CIITA: variants seen among roughly 807,000 people sequenced by gnomAD.
CIITA encodes class II major histocompatibility complex transactivator.
Under a neutral mutation model 115.1 loss-of-function variants are expected in CIITA, and 72 were observed. The observed-to-expected ratio is 0.63, with a 90% CI of 0.52 to 0.76. CIITA has a LOEUF of 0.76. CIITA is among the 30% of genes least tolerant of loss of function. CIITA has a pLI of 0.00. For synonymous variants in CIITA, 763 were observed against 635.6 expected (o/e 1.20, Z -3.02); for missense variants, 1,617 against 1,463.8 (o/e 1.10, Z -1.71).
rs2040912567 is a variant in CIITA, at chr16:10,934,003, C to G, written c.*10148C>G. On this transcript the variant is annotated 3_prime_UTR_variant, in exon 20 of 20. Coordinates refer to ENST00000324288, the MANE Select transcript of CIITA (RefSeq NM_000246.4). The surrounding 1 kb of genome is among the most constrained non-coding windows in gnomAD (Gnocchi z 4.2). The stretch of plus-strand genomic sequence containing the variant: ...TGCCTGTCTCTGCACAGGTCCATGT[C>G]CCTGAGGAAAGCCAACGTCACAGAG... The G allele has an allele frequency of 6.6e-6, 1 of 152,218 alleles. No individual in the cohort carries two copies. The highest frequency in any genetic ancestry group is 2.4e-5 in the African/African-American group (1 of 41,440). 9.4% of individuals were successfully genotyped at this position (152,218 alleles called of 1,614,324 possible). A position where few individuals can be genotyped will look rare whatever the true frequency, so the allele number is the denominator to read the frequency against.
At chr16:10,921,113 C>G (rs1245294985) in intron 16 of CIITA, among the ~76,000 whole-genome samples, 1 of 152,312 alleles carries the variant, frequency 6.6e-6, no homozygotes, top group South Asian at 2.1e-4. Flanking sequence ...GGTGATCCAC[C>G]CGCCTCGGCC....
chr16:10,877,381 AG>A lies in CIITA; in HGVS notation c.52+1del, dbSNP rs775790393. On this transcript the variant is annotated frameshift_variant and splice_region_variant, in exon 1 of 20. Transcript: ENST00000324288. LOFTEE classifies it high-confidence loss of function. The part of the protein sequence containing the change: ...PAGSYLSEPQ[G>X]SSQCATMELG... The stretch of plus-strand genomic sequence containing the variant: ...CTGGGTCCTACCTGTCAGAGCCCCA[AG>A]GTAAAAAGGCCGGGAAAGCATCTTA... The A allele has an allele frequency of 6.2e-7, 1 of 1,612,964 alleles. No individual in the cohort carries two copies.
rs553354677 is a variant in CIITA, at chr16:10,908,243, T to C, written c.2657+94T>C. 8.5e-6 allele frequency: 12 copies of C among 1,418,524 alleles called. No homozygotes were observed. In the African/African-American group the frequency reaches 1.6e-4, roughly 18 times the overall value. The allele number at this position is 1,418,524 out of a possible 1,614,324, so 87.9% of individuals were successfully genotyped here. ...CAGTGCTCTGTGGGGTCTCTTTTAG[T>C]ATGCAGAGCAGCCGGGTGGGGCAGA... On this transcript the variant is annotated intron_variant, in intron 11 of 19. Transcript: ENST00000324288.
downstream of CIITA, chr16:10,940,219 C>G (rs1405818518): frequency 6.6e-6 from 1 of 152,214 alleles, no homozygotes; most frequent in Non-Finnish European, 1.5e-5. The surrounding 1 kb of genome is among the most constrained non-coding windows in gnomAD (Gnocchi z 4.2). Context: ...AACTCTGATC[C>G]CAAATGATGG....
chr16:10,895,347 A>G lies in CIITA; in HGVS notation c.118A>G (p.Ser40Gly). The change falls in exon 2 of 20, where the codon AGC becomes GGC. Residue 40 changes from serine (S) to glycine (G), a missense_variant. Ser to Gly is a moderately conservative substitution (Grantham distance 56). Transcript: ENST00000324288. ...AGGTGGCTACCTGGAGCTTCTTAAC[A>G]GCGATGCTGACCCCCTGTGCCTCTA... The part of the protein sequence containing the change: ...LEGGYLELLN[S>G]DADPLCLYHF... 6.2e-7 allele frequency: 1 copy of G among 1,614,140 alleles called. No homozygotes were observed. Among genetic ancestry groups the G allele is most frequent in the Non-Finnish European group, 8.5e-7 (1 of 1,180,030 alleles).
chr16:10,915,704 A>G, intron 14 of CIITA, 54 bp downstream of exon 14: 13 of 1,469,598 alleles, frequency 8.8e-6, no homozygotes, highest in Non-Finnish European at 1.1e-5. Context: ...CAGTGCTGTG[A>G]TCATAGCTCA....
Position 10,895,156 on chromosome 16 carries a change from C to T in CIITA, c.53-126C>T, listed in dbSNP as rs1225503322. On this transcript the variant is annotated intron_variant, in intron 1 of 19. Coordinates refer to ENST00000324288, the MANE Select transcript of CIITA (RefSeq NM_000246.4). ...CACCACGCTGAGCATATAAGAGGTG[C>T]TGAATGAGCGCTTTTATTCACTCCT... 8.2e-6 allele frequency: 9 copies of T among 1,091,928 alleles called. No individual in the cohort carries two copies. In the East Asian group the frequency reaches 9.5e-5, roughly 11 times the overall value. 67.6% of individuals were successfully genotyped at this position (1,091,928 alleles called of 1,614,324 possible).
At chr16:10,888,066 C>A (rs566051424) in intron 1 of CIITA, among the ~76,000 whole-genome samples, 1 of 152,284 alleles carries the variant, frequency 6.6e-6, no homozygotes, top group African/African-American at 2.4e-5. Flanking sequence ...ACAGAGAAAT[C>A]TCCCCTGGTC....
intron 13 of CIITA, among the ~76,000 whole-genome samples, chr16:10,913,083 A>G (rs557347063): frequency 1.3e-5 from 2 of 152,266 alleles, no homozygotes; most frequent in South Asian, 4.1e-4. Context: ...TTCCAGCCAC[A>G]GGGCCTCCTT....
At chr16:10,867,192 C>T (rs1277351041) in intron 1 of CIITA, among the ~76,000 whole-genome samples, 2 of 151,630 alleles carry the variant, frequency 1.3e-5, no homozygotes, top group East Asian at 1.9e-4. Context: ...TGCAATGAGC[C>T]GAGATCACGC....
chr16:10,932,864 T>C lies in CIITA; in HGVS notation c.*9009T>C, dbSNP rs13337208. On this transcript the variant is annotated 3_prime_UTR_variant, in exon 20 of 20. Transcript: ENST00000324288. ...CACCATGCCTGGCTAATTGATGTATTTTTTAGTAGAGATGGGGTTTCACCA... is the reference window on the plus strand; with the variant it reads ...CACCATGCCTGGCTAATTGATGTATCTTTTAGTAGAGATGGGGTTTCACCA... 1.8e-4 allele frequency: 28 copies of C among 152,118 alleles called. No individual in the cohort carries two copies. The highest frequency in any genetic ancestry group is 5.8e-4 in the African/African-American group (24 of 41,484). 9.4% of individuals were successfully genotyped at this position (152,118 alleles called of 1,614,324 possible).
chr16:10,889,924 T>C (rs1171722452), intron 1 of CIITA, among the ~76,000 whole-genome samples: 2 of 152,214 alleles, frequency 1.3e-5, no homozygotes, highest in Non-Finnish European at 2.9e-5. Flanking sequence ...GACAAGCCAT[T>C]TCACTGAGGC....
At chr16:10,914,941 GAGA>G (rs2039846482) in intron 13 of CIITA, 2 of 384,446 alleles carry the variant, frequency 5.2e-6, no homozygotes, top group South Asian at 3.9e-5. Flanking sequence ...GCTGCGGCGG[GAGA>G]AGGGTATCTG....
upstream of CIITA, among the ~76,000 whole-genome samples, chr16:10,873,387 G>A (rs1054834573): frequency 6.6e-6 from 1 of 152,224 alleles, no homozygotes. Flanking sequence ...TGATGCTTAT[G>A]AACTTGAAAG....
At chr16:10,880,570 G>A (rs2036324652) in intron 1 of CIITA, among the ~76,000 whole-genome samples, 1 of 152,234 alleles carries the variant, frequency 6.6e-6, no homozygotes, top group Admixed American at 6.5e-5. Flanking sequence ...AGTGCAGCAA[G>A]CAGATGTGAA....
Position 10,902,717 on chromosome 16 carries a change from G to A in CIITA, c.688G>A (p.Val230Ile), listed in dbSNP as rs2038869872. Reference protein sequence around the residue: ...LNLPEGPIQFVPTISTLPHGL... With the variant: ...LNLPEGPIQFIPTISTLPHGL... ...TCTCCCTGAGGGACCCATCCAGTTTGTCCCCACCATCTCCACTCTGCCCCA... is the reference window on the plus strand; with the variant it reads ...TCTCCCTGAGGGACCCATCCAGTTTATCCCCACCATCTCCACTCTGCCCCA... Residue 230 changes from valine to isoleucine, a missense_variant, in exon 8 of 20, where the codon GTC (valine) becomes ATC (isoleucine). Physicochemically the swap from Val to Ile is conservative, Grantham distance 29 (BLOSUM62 3). Coordinates refer to ENST00000324288, the MANE Select transcript of CIITA (RefSeq NM_000246.4). 6.2e-7 allele frequency: 1 copy of A among 1,614,196 alleles called. No homozygotes were observed.
At chr16:10,902,896 G>T (rs962812917) in intron 8 of CIITA, 95 bp downstream of exon 8, 1 of 1,442,212 alleles carries the variant, frequency 6.9e-7, no homozygotes, top group African/African-American at 1.4e-5. Flanking sequence ...TGGCAGTGGT[G>T]CCCTAGCACC....
In CIITA at chr16:10,941,917, T is replaced by G. The variant is rs766875241; in HGVS notation, n.1043T>G. On this transcript the variant is annotated non_coding_transcript_exon_variant, in exon 2 of 2. Coordinates refer to the CIITA transcript ENST00000573379. This position sits in a 1 kb window ranked among gnomAD's most constrained non-coding sequence, Gnocchi z 6.4. ...CACATTGACGAAGAACAGGCCCACGTAGAACATAGAGGGCAGCAGCGGCGG... is the reference window on the plus strand; with the variant it reads ...CACATTGACGAAGAACAGGCCCACGGAGAACATAGAGGGCAGCAGCGGCGG... 1 of 1,604,792 alleles carries G rather than the reference T, an allele frequency of 6.2e-7. No homozygotes were observed. The highest frequency in any genetic ancestry group is 1.7e-5 in the Admixed American group (1 of 58,664).
chr16:10,910,338 T>C (rs2039475858), intron 13 of CIITA, 79 bp downstream of exon 13: 6 of 1,176,174 alleles, frequency 5.1e-6, no homozygotes, highest in Non-Finnish European at 7.5e-6. Flanking sequence ...ACCACCTGAA[T>C]GGAGATAGAT....
Sources: gnomAD v4.1 joint callset for allele counts (sites outside exome capture counted in the v4.1 genomes callset) on GRCh38, gnomAD v4.1.1 for gene constraint, Gnocchi (gnomAD v3.1) non-coding constraint, MANE v1.5 for transcripts, NCBI Gene and HGNC (gene_info 2026-07-23, HGNC 2026-07-21) for gene names.